The following DPP6 variants were observed in gnomAD, a reference collection of about 807,000 sequenced individuals.
DPP6 encodes dipeptidyl peptidase like 6.
A neutral mutation model predicts 122.6 loss-of-function variants in DPP6; 69 were observed. The observed-to-expected ratio is 0.56, with a 90% CI of 0.46 to 0.69. DPP6 has a LOEUF of 0.69. Among genes scored for constraint, DPP6 ranks in the 30% least tolerant of loss-of-function variants. DPP6 has a pLI of 0.00. For synonymous variants in DPP6, 418 were observed against 433.1 expected (o/e 0.97, Z 0.43); for missense variants, 928 against 1,116.9 (o/e 0.83, Z 2.41).
At chr7:154,889,146 C>G in intron 23 of DPP6, 126 bp from the exon 24 acceptor site, 1 of 1,421,808 alleles carries the variant, frequency 7.0e-7, no homozygotes, top group Non-Finnish European at 9.3e-7. Flanking sequence ...TAAGGCATCC[C>G]GGTTCTCCGG....
intron 1 of DPP6, among the ~76,000 whole-genome samples, chr7:154,283,389 A>C (rs1170679443): frequency 6.6e-6 from 1 of 152,158 alleles, no homozygotes; most frequent in Non-Finnish European, 1.5e-5. Flanking sequence ...AAAATAGTTA[A>C]TATGTAAGTA....
Position 154,760,625 on chromosome 7 carries a change from C to T in DPP6, c.884-8792C>T, listed in dbSNP as rs1430336140. Among the ~76,000 whole-genome samples, 2 of 152,086 alleles carry T rather than the reference C, an allele frequency of 1.3e-5. No homozygotes were observed. Among genetic ancestry groups the T allele is most frequent in the Non-Finnish European group, 2.9e-5 (2 of 68,030 alleles). ...TGAGCAACTGAGTGGGTGGATGACCCAGTCGATTAACAAATGAGTGAGAAA... is the reference window on the plus strand; with the variant it reads ...TGAGCAACTGAGTGGGTGGATGACCTAGTCGATTAACAAATGAGTGAGAAA... On this transcript the variant is annotated intron_variant, in intron 8 of 25. Transcript: ENST00000377770. This position sits in a 1 kb window ranked among gnomAD's most constrained non-coding sequence, Gnocchi z 4.5.
intron 1 of DPP6, among the ~76,000 whole-genome samples, chr7:154,399,767 C>T (rs1297735559): frequency 6.6e-6 from 1 of 152,124 alleles, no homozygotes; most frequent in Non-Finnish European, 1.5e-5. Context: ...TCAGTTGGTG[C>T]CTTCTGTTCT....
intron 5 of DPP6, among the ~76,000 whole-genome samples, chr7:154,632,301 G>A (rs1317626802): frequency 2.0e-5 from 3 of 152,206 alleles, no homozygotes; most frequent in Non-Finnish European, 4.4e-5. Flanking sequence ...TAGCTTCTTT[G>A]TAGGAGAGGA....
At chr7:153,856,289 C>T in the DPP6 span, among the ~76,000 whole-genome samples, 1 of 152,188 alleles carries the variant, frequency 6.6e-6, no homozygotes, top group South Asian at 2.1e-4. Flanking sequence ...TACAAGGTCA[C>T]TGGTCTTACC....
At position 154,875,929 on chromosome 7, in the gene DPP6, G is replaced by T. The variant is rs746610051; in HGVS notation, c.1907G>T (p.Ser636Ile). 3.7e-6 allele frequency: 6 copies of T among 1,612,698 alleles called. No homozygotes were observed. Among genetic ancestry groups the T allele is most frequent in the Non-Finnish European group, 5.1e-6 (6 of 1,179,396 alleles). The change falls in exon 20 of 26, where the codon AGT (serine) becomes ATT (isoleucine). Residue 636 changes from serine to isoleucine, a missense_variant. Ser to Ile is a moderately radical substitution (Grantham distance 142). Coordinates refer to ENST00000377770, the MANE Select transcript of DPP6 (RefSeq NM_130797.4). This position sits in a 1 kb window ranked among gnomAD's most constrained non-coding sequence, Gnocchi z 4.5. ...LVVDGTPGSQ[S>I]VAEKFEVSWE... ...AGGGATGGCACCCCAGGCAGCCAGAGTGTGGCTGAGAAGTTCGAGGTGAGC... is the reference window on the plus strand; with the variant it reads ...AGGGATGGCACCCCAGGCAGCCAGATTGTGGCTGAGAAGTTCGAGGTGAGC...
chr7:154,580,065 C>G (rs1208352934), intron 5 of DPP6, among the ~76,000 whole-genome samples: 1 of 151,866 alleles, frequency 6.6e-6, no homozygotes, highest in African/African-American at 2.4e-5. Flanking sequence ...TCCCGCGCGT[C>G]GGAGGGGATA....
intron 1 of DPP6, chr7:154,055,779 A>G (rs1800777517): frequency 6.6e-6 from 1 of 152,216 alleles, no homozygotes; most frequent in Non-Finnish European, 1.5e-5. Flanking sequence ...TCCTGATCCC[A>G]AGGCTGGTGG....
At chr7:154,153,623 C>T (rs1796535043) in intron 1 of DPP6, among the ~76,000 whole-genome samples, 1 of 152,226 alleles carries the variant, frequency 6.6e-6, no homozygotes, top group Non-Finnish European at 1.5e-5. Context: ...TTTCTGACCA[C>T]AGTAAGTGCT....
In DPP6 at chr7:154,313,729, G is replaced by GCA. The variant is rs200018112; in HGVS notation, c.244-132463_244-132462dup. 3.2e-3 allele frequency among the ~76,000 whole-genome samples: 191 copies of GCA among 59,666 alleles called. 17 individuals carry two copies. The highest frequency in any genetic ancestry group is 8.5e-3 in the African/African-American group (162 of 18,964). 39.1% of individuals were successfully genotyped at this position (59,666 alleles called of 152,430 possible). On this transcript the variant is annotated intron_variant, in intron 1 of 25. Coordinates refer to ENST00000377770, the MANE Select transcript of DPP6 (RefSeq NM_130797.4). ...TATATATATATACACACACACGCACGCACACACACACACACACACACACCC... is the reference window on the plus strand; with the variant it reads ...TATATATATATACACACACACGCACGCACACACACACACACACACACACACCC...
At chr7:154,344,107 C>T (rs998486972) in intron 1 of DPP6, among the ~76,000 whole-genome samples, 2 of 152,104 alleles carry the variant, frequency 1.3e-5, no homozygotes, top group African/African-American at 4.8e-5. Context: ...AGGGGCACTG[C>T]CCTGTCTTTG....
intron 1 of DPP6, among the ~76,000 whole-genome samples, chr7:154,182,576 A>G (rs1798147237): frequency 6.6e-6 from 1 of 152,150 alleles, no homozygotes; most frequent in African/African-American, 2.4e-5. Flanking sequence ...GTGGGCTGGA[A>G]ATGTTTGGCA....
intron 18 of DPP6, among the ~76,000 whole-genome samples, chr7:154,870,091 C>T (rs1052136468): frequency 6.6e-6 from 1 of 151,676 alleles, no homozygotes; most frequent in Non-Finnish European, 1.5e-5. Flanking sequence ...GTGATCCTCC[C>T]ACCTCAGCCT....
intron 3 of DPP6, among the ~76,000 whole-genome samples, chr7:154,499,145 A>G (rs1825004938): frequency 6.6e-6 from 1 of 152,178 alleles, no homozygotes; most frequent in Admixed American, 6.5e-5. Flanking sequence ...CCTAGCCAAC[A>G]TTAGGGTTCT....
chr7:154,493,550 T>A (rs1290124888), intron 3 of DPP6, among the ~76,000 whole-genome samples: 1 of 152,186 alleles, frequency 6.6e-6, no homozygotes, highest in Non-Finnish European at 1.5e-5. Context: ...TTTATTTTTA[T>A]GTTTTGAATG....
intron 1 of DPP6, among the ~76,000 whole-genome samples, chr7:154,115,775 C>G (rs533214472): frequency 1.3e-5 from 2 of 152,256 alleles, no homozygotes; most frequent in East Asian, 3.9e-4. Flanking sequence ...AAGGTGGGGA[C>G]AGTACAAACT....
At chr7:154,011,701 AAAAG>A (rs1798164542) in intron 1 of DPP6, among the ~76,000 whole-genome samples, 1 of 152,246 alleles carries the variant, frequency 6.6e-6, no homozygotes, top group East Asian at 1.9e-4. Context: ...GTCCAACAAA[AAAAG>A]CGAGTTTTTA....
chr7:154,132,764 C>G (rs1317809220), intron 1 of DPP6, among the ~76,000 whole-genome samples: 1 of 152,072 alleles, frequency 6.6e-6, no homozygotes, highest in Non-Finnish European at 1.5e-5. Context: ...GGCTTTATCC[C>G]TCACTGGGCC....
chr7:154,599,311 A>G (rs1833282786), intron 5 of DPP6, among the ~76,000 whole-genome samples: 1 of 151,974 alleles, frequency 6.6e-6, no homozygotes, highest in African/African-American at 2.4e-5. Flanking sequence ...GTTATAAAGT[A>G]CTCTCACACT....
Sources: gnomAD v4.1 joint callset for allele counts (sites outside exome capture counted in the v4.1 genomes callset) on GRCh38, gnomAD v4.1.1 for gene constraint, Gnocchi (gnomAD v3.1) non-coding constraint, MANE v1.5 for transcripts, NCBI Gene and HGNC (gene_info 2026-07-23, HGNC 2026-07-21) for gene names.